The following ANK3 variants were observed in gnomAD, a reference collection of about 807,000 sequenced individuals.
ANK3 encodes the protein ankyrin 3.
Under a neutral mutation model 370.9 loss-of-function variants are expected in ANK3, and 57 were observed. That is an observed-to-expected ratio of 0.15 (90% CI 0.12 to 0.19). The LOEUF is 0.19. Among genes scored for constraint, ANK3 ranks in the 10% least tolerant of loss-of-function variants. ANK3 has a pLI of 1.00. For synonymous variants in ANK3, 1,929 were observed against 1,946.3 expected, an observed-to-expected ratio of 0.99 and a Z score of 0.23; for missense variants, 4,439 against 5,302.1, an observed-to-expected ratio of 0.84 and a Z score of 5.06.
rs567766373 is a variant in ANK3 at position 60,225,816 on chromosome 10, G to A, written c.897+8872C>T. ...CTGTTCTTTGTGTTTATTGTCCCTC[G>A]TTGCTTGTCTCCTTTTGTGCTGGAA... is the stretch of plus-strand genomic sequence containing the variant. On this transcript the variant is annotated intron_variant, in intron 8 of 43. Transcript: ENST00000280772. Among the ~76,000 whole-genome samples, 16 of 151,490 alleles carry A rather than the reference G, an allele frequency of 1.1e-4. No individual in the cohort carries two copies. In the South Asian group the frequency reaches 1.9e-3, roughly 18 times the overall value.
At chr10:60,580,555 A>T (rs1216741898) in intron 2 of ANK3, among the ~76,000 whole-genome samples, 1 of 152,230 alleles carries the variant, frequency 6.6e-6, no homozygotes, top group East Asian at 1.9e-4. Flanking sequence ...TCTGTATGAA[A>T]ATTTATTTAT....
intron 5 of ANK3, among the ~76,000 whole-genome samples, chr10:60,267,839 A>G (rs1010101924): frequency 2.0e-5 from 3 of 152,196 alleles, no homozygotes; most frequent in Admixed American, 6.5e-5. Context: ...ACAGTACTTA[A>G]TATTTCCATC....
chr10:60,341,263 C>T (rs1181009101), intron 1 of ANK3, among the ~76,000 whole-genome samples: 1 of 152,144 alleles, frequency 6.6e-6, no homozygotes, highest in Non-Finnish European at 1.5e-5. Context: ...TTCTGAAACT[C>T]AAATCTGTTC....
intron 1 of ANK3, among the ~76,000 whole-genome samples, chr10:60,385,723 G>C (rs1269344061): frequency 3.9e-5 from 6 of 152,148 alleles, no homozygotes; most frequent in Admixed American, 2.6e-4. Flanking sequence ...TGTATAGAGA[G>C]AGATCTACCT....
chr10:60,462,234 C>T (rs1595077899), intron 2 of ANK3, among the ~76,000 whole-genome samples: 2 of 152,116 alleles, frequency 1.3e-5, no homozygotes, highest in East Asian at 3.9e-4. Context: ...CAACTCCAAA[C>T]TACCAAAAGG....
chr10:60,567,583 CT>C (rs1203708904), intron 2 of ANK3, among the ~76,000 whole-genome samples: 2 of 152,178 alleles, frequency 1.3e-5, no homozygotes, highest in Non-Finnish European at 1.5e-5. Context: ...AACATTGATT[CT>C]GCAGCCCATC....
intron 23 of ANK3, chr10:60,140,184 T>C (rs1214590640): frequency 1.5e-6 from 1 of 682,116 alleles, no homozygotes. Context: ...AAAAATACAC[T>C]GTCAACTACT....
chr10:60,305,617 A>G (rs995399097), intron 1 of ANK3, among the ~76,000 whole-genome samples: 10 of 152,184 alleles, frequency 6.6e-5, no homozygotes, highest in Non-Finnish European at 1.0e-4. Flanking sequence ...ACTCCAGGAT[A>G]AATAATCCCT....
intron 2 of ANK3, among the ~76,000 whole-genome samples, chr10:60,417,336 C>T (rs545419932): frequency 6.6e-6 from 1 of 152,040 alleles, no homozygotes; most frequent in Non-Finnish European, 1.5e-5. Flanking sequence ...AAACTGAGTG[C>T]CCCCAGGGAT....
intron 28 of ANK3, among the ~76,000 whole-genome samples, chr10:60,104,357 C>CA (rs747064489): frequency 9.3e-5 from 5 of 53,758 alleles, no homozygotes; most frequent in South Asian, 1.1e-3. Context: ...GACTCCATCT[C>CA]AAAAAAAAAA....
intron 2 of ANK3, among the ~76,000 whole-genome samples, chr10:60,405,156 C>A (rs147543803): frequency 6.6e-6 from 1 of 152,112 alleles, no homozygotes; most frequent in Non-Finnish European, 1.5e-5. Context: ...ACCCTATAAC[C>A]TAGCAATTCC....
intron 2 of ANK3, among the ~76,000 whole-genome samples, chr10:60,404,562 T>C (rs975933987): frequency 2.0e-5 from 3 of 152,128 alleles, no homozygotes; most frequent in Admixed American, 2.0e-4. Context: ...CTTTACACAC[T>C]ACAAGTAATC....
chr10:60,134,301 AATC>A lies in ANK3; in HGVS notation c.2808_2810del (p.Met936del). On this transcript the variant is annotated inframe_deletion, in exon 25 of 44. Coordinates refer to ENST00000280772, the MANE Select transcript of ANK3 (RefSeq NM_020987.5). ...CTTTGGATGGCACAAGGAGTTCTTCAATCATCATGCTGTCCCGTGCATAGGAGC... is the reference window on the plus strand; with the variant it reads ...CTTTGGATGGCACAAGGAGTTCTTCAATCATGCTGTCCCGTGCATAGGAGC... 2 of 1,613,962 alleles carry A rather than the reference AATC, an allele frequency of 1.2e-6. No homozygotes were observed. Among genetic ancestry groups the A allele is most frequent in the Non-Finnish European group, 1.7e-6 (2 of 1,179,928 alleles).
At chr10:60,643,618 C>A (rs115414961) in intron 1 of ANK3, among the ~76,000 whole-genome samples, 1 of 151,976 alleles carries the variant, frequency 6.6e-6, no homozygotes, top group African/African-American at 2.4e-5. Context: ...TAGGGACCAA[C>A]CTTTCTCACA....
At chr10:60,651,161 G>A (rs1975442) in intron 1 of ANK3, among the ~76,000 whole-genome samples, 102,916 of 151,770 alleles carry the variant, frequency 0.68, 34,993 homozygotes, top group South Asian at 0.83. Context: ...GTACACACAC[G>A]CACACAATGT....
At chr10:60,288,349 T>C (rs2040517872) in intron 1 of ANK3, among the ~76,000 whole-genome samples, 1 of 152,326 alleles carries the variant, frequency 6.6e-6, no homozygotes, top group African/African-American at 2.4e-5. Flanking sequence ...CCTACAGAGA[T>C]GGATGATAAT....
intron 24 of ANK3, 80 bp from the exon 25 acceptor site, chr10:60,134,453 A>C: frequency 1.0e-6 from 1 of 1,003,066 alleles, no homozygotes; most frequent in Non-Finnish European, 1.5e-6. Flanking sequence ...ATGCAACTTT[A>C]AGAACAGGCA....
At chr10:60,185,242 G>T (rs1173487416) in intron 17 of ANK3, among the ~76,000 whole-genome samples, 4 of 152,170 alleles carry the variant, frequency 2.6e-5, no homozygotes, top group Non-Finnish European at 5.9e-5. Context: ...TCCTGTATAT[G>T]TCTTTTGGTC....
In ANK3 at chr10:60,109,089, G is replaced by A. The variant is rs371719532; in HGVS notation, c.2949-35C>T. The A allele has an allele frequency of 7.1e-5, 109 of 1,538,638 alleles. 1 individual carries two copies. Among genetic ancestry groups the A allele is most frequent in the South Asian group, 4.4e-4 (39 of 89,106 alleles). On this transcript the variant is annotated intron_variant, in intron 26 of 43. Coordinates refer to ENST00000280772, the MANE Select transcript of ANK3 (RefSeq NM_020987.5). ...GAAGATCAGAGGCCAATTCAAGGAC[G>A]GAAATAAACTGTGCTCACAGCAAGT...
Sources: allele counts gnomAD v4.1 joint callset (sites outside exome capture counted in the v4.1 genomes callset), GRCh38; gene constraint gnomAD v4.1.1; transcripts MANE v1.5; gene names NCBI Gene and HGNC (gene_info 2026-07-23, HGNC 2026-07-21).